The following DHDDS variants were observed in gnomAD, a reference collection of about 807,000 sequenced individuals.
DHDDS encodes dehydrodolichyl diphosphate synthase subunit.
DHDDS carries 16 observed loss-of-function variants against 46.2 expected under a neutral mutation model. The observed-to-expected ratio is 0.35, with a 90% CI of 0.23 to 0.53. The LOEUF is 0.53. DHDDS is among the 20% of genes least tolerant of loss of function. DHDDS has a pLI of 0.94. For missense variants in DHDDS, 340 were observed against 423.7 expected (o/e 0.80, Z 1.73); for synonymous variants, 151 against 163.1 (o/e 0.93, Z 0.56).
At chr1:26,458,737 CAAAAAA>C (rs11381495) in intron 7 of DHDDS, among the ~76,000 whole-genome samples, 2 of 71,690 alleles carry the variant, frequency 2.8e-5, no homozygotes, top group Admixed American at 1.4e-4. Context: ...GACTCTGTCG[CAAAAAA>C]AAAAAAAAAA....
In DHDDS at chr1:26,448,956, T is replaced by C. The variant is rs534209150; in HGVS notation, c.542+1296T>C. On this transcript the variant is annotated intron_variant, in intron 6 of 8. Coordinates refer to ENST00000236342, the MANE Select transcript of DHDDS (RefSeq NM_205861.3). ...AAATCAAAAAGTTACTTGGTGAGAA[T>C]AGAATTAGATAAAAAGGAGAGGAGA... Among the ~76,000 whole-genome samples the C allele has an allele frequency of 4.8e-4, 73 of 152,316 alleles. 1 individual carries two copies. Among genetic ancestry groups the C allele is most frequent in the African/African-American group, 1.9e-4 (8 of 41,584 alleles).
chr1:26,453,358 C>T, intron 6 of DHDDS, among the ~76,000 whole-genome samples: 1 of 152,016 alleles, frequency 6.6e-6, no homozygotes, highest in East Asian at 1.9e-4. Flanking sequence ...CAAATAATGC[C>T]ACAATTAAAT....
rs1209660258 is a variant in DHDDS, at chr1:26,438,226, A to G, written c.122A>G (p.Lys41Arg). 1 of 1,614,138 alleles carries G rather than the reference A, an allele frequency of 6.2e-7. No homozygotes were observed. The highest frequency in any genetic ancestry group is 2.2e-5 in the East Asian group (1 of 44,886). Residue 41 changes from lysine (K) to arginine (R), a missense_variant, in exon 3 of 9, where the codon AAG becomes AGG. Transcript: ENST00000236342. ...ATGGACGGGAACCGTCGCTATGCCA[A>G]GAAGTGCCAGGTGGAGCGGCAGGAA... ...FIMDGNRRYAKKCQVERQEGH... is the reference protein window; with the variant it reads ...FIMDGNRRYARKCQVERQEGH...
intron 6 of DHDDS, chr1:26,448,193 C>CTTTTTTTTTTT (rs11300095): frequency 8.2e-6 from 1 of 121,318 alleles, no homozygotes; most frequent in Non-Finnish European, 1.7e-5. Flanking sequence ...TTTTTCTTTT[C>CTTTTTTTTTTT]TTTTTTTTTT....
At chr1:26,466,691 C>T (rs1339598419) in intron 8 of DHDDS, among the ~76,000 whole-genome samples, 1 of 152,230 alleles carries the variant, frequency 6.6e-6, no homozygotes, top group Non-Finnish European at 1.5e-5. Context: ...TAGCTAGCTC[C>T]ATATTTCCTC....
chr1:26,453,122 ACT>A (rs59095185), intron 6 of DHDDS, among the ~76,000 whole-genome samples: 1 of 151,544 alleles, frequency 6.6e-6, no homozygotes, highest in Non-Finnish European at 1.5e-5. Context: ...ACACACACAC[ACT>A]CACTTTTGAC....
At chr1:26,467,223 T>C (rs2075499713) in intron 8 of DHDDS, 1 of 430,276 alleles carries the variant, frequency 2.3e-6, no homozygotes, top group Non-Finnish European at 5.0e-6. Context: ...ACAATCAGCC[T>C]GTAAGCACCT....
At chr1:26,457,595 T>C (rs2075383203) in intron 6 of DHDDS, among the ~76,000 whole-genome samples, 196 bp from the exon 7 acceptor site, 1 of 151,464 alleles carries the variant, frequency 6.6e-6, no homozygotes. Context: ...AAATACCTTA[T>C]GTAGTTGTGA....
chr1:26,441,224 G>GT (rs1198787535), intron 3 of DHDDS, among the ~76,000 whole-genome samples: 33 of 149,458 alleles, frequency 2.2e-4, no homozygotes, highest in East Asian at 5.9e-4. Flanking sequence ...CGCCCGGCCT[G>GT]TTTTTTTTTG....
intron 8 of DHDDS, among the ~76,000 whole-genome samples, chr1:26,468,218 G>A (rs1245365874): frequency 1.5e-5 from 2 of 133,864 alleles, no homozygotes; most frequent in Admixed American, 7.3e-5. Flanking sequence ...CTGCTTCTCA[G>A]AATGTTCATA....
intron 3 of DHDDS, among the ~76,000 whole-genome samples, chr1:26,440,811 T>C (rs1195738516): frequency 6.6e-6 from 1 of 152,202 alleles, no homozygotes; most frequent in Non-Finnish European, 1.5e-5. Flanking sequence ...ATGTCTTCTG[T>C]TGTCTACGTT....
At chr1:26,439,306 T>G (rs2075194785) in intron 3 of DHDDS, among the ~76,000 whole-genome samples, 1 of 152,298 alleles carries the variant, frequency 6.6e-6, no homozygotes, top group South Asian at 2.1e-4. Context: ...TAGAACATTT[T>G]ATCAAGAGGA....
chr1:26,441,895 T>TAA (rs71581065), intron 3 of DHDDS, among the ~76,000 whole-genome samples: 6,987 of 123,868 alleles, frequency 0.056, 257 homozygotes, highest in South Asian at 0.083. Context: ...GACTCCAGCT[T>TAA]AAAAAAAAAA....
At chr1:26,433,085 GATGATGTTAAGTGCAATTC>G (rs2075119720) in intron 2 of DHDDS, 77 bp downstream of exon 2, 9 of 1,497,020 alleles carry the variant, frequency 6.0e-6, no homozygotes, top group Non-Finnish European at 7.4e-6. Context: ...TATTAAAGTT[GATGATGTTAAGTGCAATTC>G]ATGATGTTAA....
chr1:26,441,988 C>T (rs902153172), intron 3 of DHDDS, among the ~76,000 whole-genome samples: 1 of 151,964 alleles, frequency 6.6e-6, no homozygotes, highest in South Asian at 2.1e-4. Flanking sequence ...TCTACCTCCT[C>T]CTTTTCCTCT....
chr1:26,434,953 G>A (rs929751668), intron 2 of DHDDS, among the ~76,000 whole-genome samples: 23 of 150,976 alleles, frequency 1.5e-4, no homozygotes, highest in Admixed American at 6.0e-4. Context: ...GAGCCACCAC[G>A]TCCGGCCCCA....
chr1:26,432,868 A>C (rs1235584214), intron 1 of DHDDS, 23 bp from the exon 2 acceptor site: 1 of 1,534,530 alleles, frequency 6.5e-7, no homozygotes, highest in East Asian at 2.2e-5. Flanking sequence ...GTGACTTCTT[A>C]TTTTCTTTCT....
rs140277372 is a variant in DHDDS at position 26,469,550 on chromosome 1, C to A, written c.*419C>A. On this transcript the variant is annotated 3_prime_UTR_variant, in exon 9 of 9. Transcript: ENST00000236342. Reference sequence around the variant, plus strand: ...CACCCAGCTTCCACAAAAGATTTGGCTCTACCTTGGATCTGCTAGTAAATA... The same window carrying A: ...CACCCAGCTTCCACAAAAGATTTGGATCTACCTTGGATCTGCTAGTAAATA... 77 of 266,966 alleles carry A rather than the reference C, an allele frequency of 2.9e-4. No homozygotes were observed. Among genetic ancestry groups the A allele is most frequent in the African/African-American group, 1.5e-3 (68 of 46,126 alleles). The allele number at this position is 266,966 out of a possible 1,614,324, so 16.5% of individuals were successfully genotyped here.
chr1:26,449,478 G>A (rs1557441774), intron 6 of DHDDS, among the ~76,000 whole-genome samples: 1 of 151,948 alleles, frequency 6.6e-6, no homozygotes, highest in East Asian at 1.9e-4. Context: ...TCGGCCCACT[G>A]TAGTCTGTGC....
Sources: gnomAD v4.1 joint callset for allele counts (sites outside exome capture counted in the v4.1 genomes callset) on GRCh38, gnomAD v4.1.1 for gene constraint, MANE v1.5 for transcripts, NCBI Gene and HGNC (gene_info 2026-07-23, HGNC 2026-07-21) for gene names.